CDH13: variants seen among roughly 807,000 people sequenced by gnomAD.
The protein encoded by CDH13 is cadherin 13.
In CDH13, 24 loss-of-function variants were observed where a neutral mutation model predicts 63.8. The observed-to-expected ratio is 0.38, with a 90% confidence interval of 0.27 to 0.53. The LOEUF is 0.53. Ranked by LOEUF, CDH13 falls within the 20% of genes least tolerant of loss-of-function variation. CDH13 has a pLI of 0.85. For synonymous variants in CDH13, 503 were observed against 355.3 expected, an observed-to-expected ratio of 1.42 and a Z score of -4.67; for missense variants, 1,049 against 903.1, an observed-to-expected ratio of 1.16 and a Z score of -2.07.
At chr16:83,038,821 A>T (rs555206664) in intron 3 of CDH13, among the ~76,000 whole-genome samples, 1 of 152,350 alleles carries the variant, frequency 6.6e-6, no homozygotes, top group South Asian at 2.1e-4. Context: ...CACAAAGTAA[A>T]AACACCATAC....
chr16:83,770,068 C>G (rs1481483006), intron 11 of CDH13, among the ~76,000 whole-genome samples: 1 of 152,132 alleles, frequency 6.6e-6, no homozygotes, highest in Non-Finnish European at 1.5e-5. Context: ...GGGATGGTTT[C>G]AAAACCTGAC....
chr16:83,089,450 C>T (rs1427467794), intron 3 of CDH13, among the ~76,000 whole-genome samples: 1 of 152,242 alleles, frequency 6.6e-6, no homozygotes, highest in Non-Finnish European at 1.5e-5. Context: ...AACTTGTGTT[C>T]TGGGCTTTCA....
At chr16:83,730,107 C>T (rs566924952) in intron 10 of CDH13, among the ~76,000 whole-genome samples, 9 of 152,314 alleles carry the variant, frequency 5.9e-5, no homozygotes, top group South Asian at 4.1e-4. Flanking sequence ...TTAATGTCTA[C>T]GTAGCATTCC....
At chr16:83,722,412 G>A (rs1035536) in intron 10 of CDH13, among the ~76,000 whole-genome samples, 120,003 of 152,142 alleles carry the variant, frequency 0.79, 47,671 homozygotes, top group African/African-American at 0.84. Flanking sequence ...AGTTTGCAGG[G>A]GCCAGTTGTT....
intron 10 of CDH13, among the ~76,000 whole-genome samples, chr16:83,708,866 A>G (rs1227632668): frequency 3.3e-5 from 5 of 152,046 alleles, no homozygotes; most frequent in Admixed American, 6.5e-5. Context: ...TCTACTAAAA[A>G]TACAAAAATT....
chr16:83,223,162 C>T (rs987329528), intron 5 of CDH13, among the ~76,000 whole-genome samples: 2 of 152,180 alleles, frequency 1.3e-5, no homozygotes, highest in East Asian at 1.9e-4. Context: ...AGAAGAGAAT[C>T]GTATTGGCTG....
At chr16:82,758,028 A>G (rs1360584059) in intron 1 of CDH13, among the ~76,000 whole-genome samples, 2 of 152,090 alleles carry the variant, frequency 1.3e-5, no homozygotes, top group African/African-American at 4.8e-5. Flanking sequence ...TGCAAAGGTA[A>G]TGGCTTTACC....
chr16:83,796,440 C>A lies in CDH13; in HGVS notation c.*1410C>A, dbSNP rs1287651959. Reference sequence around the variant, plus strand: ...TGCACTTGTGCTTTCAGTTAGCCTTCTGTAGGAAGTAGAAGTCATATGTTG... The same window carrying A: ...TGCACTTGTGCTTTCAGTTAGCCTTATGTAGGAAGTAGAAGTCATATGTTG... On this transcript the variant is annotated 3_prime_UTR_variant, in exon 14 of 14. Transcript: ENST00000567109. 6.6e-6 allele frequency: 1 copy of A among 152,222 alleles called. No homozygotes were observed. The highest frequency in any genetic ancestry group is 1.5e-5 in the Non-Finnish European group (1 of 68,044). 9.4% of individuals were successfully genotyped at this position (152,222 alleles called of 1,614,324 possible). A position where few individuals can be genotyped will look rare whatever the true frequency, so the allele number is the denominator to read the frequency against.
chr16:83,206,097 C>T (rs988975615), intron 4 of CDH13, among the ~76,000 whole-genome samples: 5 of 152,088 alleles, frequency 3.3e-5, no homozygotes. Flanking sequence ...AAGGGTGACT[C>T]ATACATGGCC....
intron 11 of CDH13, 133 bp from the exon 12 acceptor site, chr16:83,779,835 G>C (rs1327503007): frequency 1.6e-6 from 1 of 632,122 alleles, no homozygotes; most frequent in Non-Finnish European, 2.7e-6. Context: ...TCCAGTCTGG[G>C]CGATAGAGTG....
At chr16:83,306,217 C>G (rs1301805416) in intron 5 of CDH13, among the ~76,000 whole-genome samples, 1 of 152,192 alleles carries the variant, frequency 6.6e-6, no homozygotes, top group Non-Finnish European at 1.5e-5. Context: ...ATTCTATAAA[C>G]AAGGGTAGGT....
At chr16:83,120,948 G>A (rs1597373002) in intron 3 of CDH13, among the ~76,000 whole-genome samples, 1 of 152,054 alleles carries the variant, frequency 6.6e-6, no homozygotes, top group East Asian at 1.9e-4. Context: ...ATTTTTGGTA[G>A]AGACGGGGTT....
intron 1 of CDH13, among the ~76,000 whole-genome samples, chr16:82,761,017 C>CTTTCTTTTTTTT (rs2034820362): frequency 2.5e-5 from 1 of 40,452 alleles, no homozygotes; most frequent in Non-Finnish European, 4.6e-5. Flanking sequence ...TTCTTTCTTT[C>CTTTCTTTTTTTT]TTTTTTTTTT....
At chr16:83,448,637 C>G (rs1454077108) in intron 6 of CDH13, among the ~76,000 whole-genome samples, 1 of 152,144 alleles carries the variant, frequency 6.6e-6, no homozygotes, top group Non-Finnish European at 1.5e-5. Flanking sequence ...GCTCCTCCTC[C>G]TCTTCATGAT....
At chr16:83,045,482 C>A (rs1343724310) in intron 3 of CDH13, among the ~76,000 whole-genome samples, 1 of 151,642 alleles carries the variant, frequency 6.6e-6, no homozygotes, top group African/African-American at 2.4e-5. Flanking sequence ...ACTAAAAATA[C>A]AAAAATTATC....
At chr16:83,561,394 T>A (rs2075705915) in intron 7 of CDH13, among the ~76,000 whole-genome samples, 1 of 146,472 alleles carries the variant, frequency 6.8e-6, no homozygotes, top group South Asian at 2.2e-4. Context: ...CCATTGCACT[T>A]CAGCCTGAGC....
At chr16:83,767,951 T>A (rs1914510710) in intron 11 of CDH13, among the ~76,000 whole-genome samples, 1 of 151,986 alleles carries the variant, frequency 6.6e-6, no homozygotes, top group South Asian at 2.1e-4. Context: ...GTAAATGTAC[T>A]AAAAATTAAT....
intron 6 of CDH13, among the ~76,000 whole-genome samples, chr16:83,405,980 G>A (rs1463028988): frequency 6.6e-6 from 1 of 152,216 alleles, no homozygotes; most frequent in African/African-American, 2.4e-5. Context: ...AGCCCACCTG[G>A]ATCTCGGCTG....
chr16:83,760,650 CCAG>C (rs1156853756), intron 11 of CDH13, among the ~76,000 whole-genome samples: 5 of 152,174 alleles, frequency 3.3e-5, no homozygotes, highest in African/African-American at 1.2e-4. Context: ...TTAATCCTAG[CCAG>C]CAGATCACCT....
Sources: allele counts gnomAD v4.1 joint callset (sites outside exome capture counted in the v4.1 genomes callset), GRCh38; gene constraint gnomAD v4.1.1; transcripts MANE v1.5; gene names NCBI Gene and HGNC (gene_info 2026-07-23, HGNC 2026-07-21).